TEAD1: variants seen among roughly 807,000 people sequenced by gnomAD.
TEAD1 encodes transcriptional enhancer factor TEF-1.
Under a neutral mutation model 54.9 loss-of-function variants are expected in TEAD1, and 9 were observed. The ratio of observed to expected loss-of-function variants is 0.16; its 90% confidence interval spans 0.10 to 0.29. The LOEUF (loss-of-function observed/expected upper bound fraction) is 0.29. Among genes scored for constraint, TEAD1 ranks in the 10% least tolerant of loss-of-function variants. The pLI, the probability that TEAD1 is intolerant of heterozygous loss-of-function variation, is 1.00. For missense variants in TEAD1, 387 were observed against 535.9 expected (o/e 0.72, Z 2.74); for synonymous variants, 200 against 187.8 (o/e 1.07, Z -0.53).
chr11:12,840,251 AAAAAAAAAAAAG>A lies in TEAD1; in HGVS notation c.203-21988_203-21977del, dbSNP rs1227045667. Reference sequence around the variant, plus strand: ...GACAGAGCGAGACTCTGCCTCAAAAAAAAAAAAAAAAGAAAAAAAAAAGACCAGAAACGAAAT... The same window carrying A: ...GACAGAGCGAGACTCTGCCTCAAAAAAAAAAAAAAAGACCAGAAACGAAAT... On this transcript the variant is annotated intron_variant, in intron 3 of 12. Coordinates refer to ENST00000527636, the MANE Select transcript of TEAD1 (RefSeq NM_021961.6). Among the ~76,000 whole-genome samples the A allele has an allele frequency of 2.7e-3, 128 of 47,156 alleles. 1 individual carries two copies. The highest frequency in any genetic ancestry group is 5.4e-3 in the Admixed American group (18 of 3,344). The allele number at this position is 47,156 out of a possible 152,430, so 30.9% of individuals were successfully genotyped here. A position where few individuals can be genotyped will look rare whatever the true frequency, so the allele number is the denominator to read the frequency against.
chr11:12,856,425 C>T (rs976295241), intron 3 of TEAD1, among the ~76,000 whole-genome samples: 2 of 152,084 alleles, frequency 1.3e-5, no homozygotes, highest in South Asian at 2.1e-4. Context: ...GGGAGGCCTC[C>T]ACCAGCTGGT....
At chr11:12,865,368 A>C (rs1162076314) in intron 5 of TEAD1, 1 of 164,076 alleles carries the variant, frequency 6.1e-6, no homozygotes, top group African/African-American at 2.4e-5. Flanking sequence ...ATTTTAACTC[A>C]TGCTTTTGAT....
At chr11:12,782,228 G>T (rs1332061509) in intron 3 of TEAD1, among the ~76,000 whole-genome samples, 1 of 152,114 alleles carries the variant, frequency 6.6e-6, no homozygotes, top group African/African-American at 2.4e-5. Flanking sequence ...TGATGACTGC[G>T]TAAATAAAAT....
intron 3 of TEAD1, among the ~76,000 whole-genome samples, chr11:12,857,582 G>GTGTGTGTGTGTGTGTGTGTGTGTGTA: frequency 6.7e-6 from 1 of 148,812 alleles, no homozygotes; most frequent in African/African-American, 2.5e-5. Flanking sequence ...CTGTCTCTGT[G>GTGTGTGTGTGTGTGTGTGTGTGTGTA]TGTGTGTGTG....
chr11:12,920,367 A>G (rs1436515436), intron 10 of TEAD1, among the ~76,000 whole-genome samples: 10 of 152,066 alleles, frequency 6.6e-5, no homozygotes, highest in Admixed American at 2.6e-4. Context: ...TTGACAGATT[A>G]TTTTTTCTGT....
At chr11:12,868,728 A>T (rs939055319) in intron 5 of TEAD1, among the ~76,000 whole-genome samples, 5 of 152,228 alleles carry the variant, frequency 3.3e-5, no homozygotes, top group African/African-American at 4.8e-5. Flanking sequence ...CATAGGAATG[A>T]TTACTGAATT....
chr11:12,916,188 T>C (rs1948709331), intron 10 of TEAD1, among the ~76,000 whole-genome samples: 1 of 152,188 alleles, frequency 6.6e-6, no homozygotes, highest in South Asian at 2.1e-4. Flanking sequence ...ATAACATGTC[T>C]AATCATGCCT....
At chr11:12,821,738 C>G (rs151026262) in intron 3 of TEAD1, among the ~76,000 whole-genome samples, 1 of 152,182 alleles carries the variant, frequency 6.6e-6, no homozygotes, top group African/African-American at 2.4e-5. Flanking sequence ...TGATCAACAA[C>G]CTGTGTGGAA....
intron 10 of TEAD1, among the ~76,000 whole-genome samples, chr11:12,912,252 C>T (rs1213484067): frequency 1.3e-5 from 2 of 152,106 alleles, no homozygotes; most frequent in Non-Finnish European, 2.9e-5. Flanking sequence ...GATTTGCAGG[C>T]TCAGGGTCTG....
chr11:12,811,114 C>T (rs1039356332), intron 3 of TEAD1, among the ~76,000 whole-genome samples: 5 of 152,200 alleles, frequency 3.3e-5, no homozygotes, highest in African/African-American at 9.7e-5. Flanking sequence ...GCTATGTCCA[C>T]GGCGATTGAT....
At chr11:12,774,349 G>T (rs1176293530) in intron 3 of TEAD1, among the ~76,000 whole-genome samples, 1 of 152,244 alleles carries the variant, frequency 6.6e-6, no homozygotes, top group African/African-American at 2.4e-5. Flanking sequence ...GAACTTCACA[G>T]TGGTAAAGTG....
At chr11:12,909,457 A>G (rs183811345) in intron 10 of TEAD1, among the ~76,000 whole-genome samples, 51 of 150,548 alleles carry the variant, frequency 3.4e-4, no homozygotes, top group Non-Finnish European at 1.3e-4. Context: ...TTTCACTCAT[A>G]AGTGGGAGTT....
intron 3 of TEAD1, among the ~76,000 whole-genome samples, chr11:12,856,628 G>T (rs1947387470): frequency 6.6e-6 from 1 of 152,186 alleles, no homozygotes; most frequent in African/African-American, 2.4e-5. Context: ...ACCCTTGTTT[G>T]ATGTAGCTTT....
At chr11:12,853,808 T>C (rs1947320139) in intron 3 of TEAD1, among the ~76,000 whole-genome samples, 1 of 152,182 alleles carries the variant, frequency 6.6e-6, no homozygotes, top group Admixed American at 6.5e-5. Context: ...TCAGCTGCCG[T>C]TGACTGATAC....
At chr11:12,703,448 C>G (rs1229663228) in intron 2 of TEAD1, among the ~76,000 whole-genome samples, 1 of 152,142 alleles carries the variant, frequency 6.6e-6, no homozygotes, top group Non-Finnish European at 1.5e-5. Flanking sequence ...ATGACCTTTT[C>G]CATTTGTTTT....
At chr11:12,878,909 T>A in intron 5 of TEAD1, 1 of 1,287,446 alleles carries the variant, frequency 7.8e-7, no homozygotes, top group Non-Finnish European at 1.0e-6. Flanking sequence ...TGGTAAGTAT[T>A]TTCACCAAAC....
chr11:12,788,143 T>C (rs988636964), intron 3 of TEAD1, among the ~76,000 whole-genome samples: 4 of 150,972 alleles, frequency 2.6e-5, no homozygotes, highest in African/African-American at 9.7e-5. Flanking sequence ...TTTTGTCTTT[T>C]TTTTTTTTTT....
At chr11:12,689,601 A>G (rs537146397) in intron 2 of TEAD1, among the ~76,000 whole-genome samples, 2 of 152,310 alleles carry the variant, frequency 1.3e-5, no homozygotes, top group Admixed American at 6.5e-5. Context: ...AGCAGCTGTG[A>G]AGTAGAGTGC....
At chr11:12,866,821 G>A (rs570414221) in intron 5 of TEAD1, among the ~76,000 whole-genome samples, 1 of 152,166 alleles carries the variant, frequency 6.6e-6, no homozygotes, top group Non-Finnish European at 1.5e-5. Flanking sequence ...TCCAGGCATG[G>A]TGCTTGCTCA....
Sources: allele counts gnomAD v4.1 joint callset (sites outside exome capture counted in the v4.1 genomes callset), GRCh38; gene constraint gnomAD v4.1.1; transcripts MANE v1.5; gene names NCBI Gene and HGNC (gene_info 2026-07-23, HGNC 2026-07-21).